The following CREB3L1 variants were observed in gnomAD, a reference collection of about 807,000 sequenced individuals.
The protein encoded by CREB3L1 is cAMP responsive element binding protein 3 like 1, also known as cyclic AMP-responsive element-binding protein 3-like protein 1.
CREB3L1 carries 33 observed loss-of-function variants against 54.5 expected under a neutral mutation model. The observed-to-expected ratio is 0.61, with a 90% CI of 0.46 to 0.81. CREB3L1 has a LOEUF of 0.81. Among genes scored for constraint, CREB3L1 ranks in the 30% least tolerant of loss-of-function variants. The pLI is 0.00. For missense variants in CREB3L1, 656 were observed against 673.3 expected (o/e 0.97, Z 0.29); for synonymous variants, 284 against 286.4 (o/e 0.99, Z 0.08).
intron 2 of CREB3L1, among the ~76,000 whole-genome samples, chr11:46,300,757 G>A (rs1325433985): frequency 6.6e-6 from 1 of 151,952 alleles, no homozygotes; most frequent in Non-Finnish European, 1.5e-5. Context: ...TGTAATCCCA[G>A]CACTCTGGGA....
chr11:46,278,354 T>G lies in CREB3L1; in HGVS notation c.102+141T>G. The G allele has an allele frequency of 1.8e-6, 1 of 550,936 alleles. No individual in the cohort carries two copies. Among genetic ancestry groups the G allele is most frequent in the Non-Finnish European group, 3.2e-6 (1 of 312,220 alleles). The allele number at this position is 550,936 out of a possible 1,614,324, so 34.1% of individuals were successfully genotyped here. The stretch of plus-strand genomic sequence containing the variant: ...CAGCGCAGGGTCTCCAGGAGCGACA[T>G]GTGTTTGGAGCTAAGCGCCCCTCCT... On this transcript the variant is annotated intron_variant, in intron 1 of 11. Transcript: ENST00000621158. This position sits in a 1 kb window ranked among gnomAD's most constrained non-coding sequence, Gnocchi z 4.2.
At position 46,317,494 on chromosome 11, in the gene CREB3L1, G is replaced by A. The variant is rs974460099; in HGVS notation, c.1258+7G>A. 1.2e-6 allele frequency: 2 copies of A among 1,607,092 alleles called. No individual in the cohort carries two copies. Among genetic ancestry groups the A allele is most frequent in the Non-Finnish European group, 1.7e-6 (2 of 1,179,796 alleles). ...GTCTACACGGCCAGCCAGAGTGAGT[G>A]CCCGCCTGTCATGCCAGCTCCCTGG... is the stretch of plus-strand genomic sequence containing the variant. On this transcript the variant is annotated splice_region_variant and intron_variant, in intron 10 of 11. Coordinates refer to ENST00000621158, the MANE Select transcript of CREB3L1 (RefSeq NM_052854.4).
In CREB3L1 at chr11:46,295,463, A is replaced by T. The variant is rs1174719667; in HGVS notation, c.103-4472A>T. On this transcript the variant is annotated intron_variant, in intron 1 of 11. Coordinates refer to ENST00000621158, the MANE Select transcript of CREB3L1 (RefSeq NM_052854.4). The surrounding 1 kb of genome is among the most constrained non-coding windows in gnomAD (Gnocchi z 4.6). ...TGGGGGCGGGGCCGCGCTACTGATG[A>T]GGGGTTTAGGACACCGTGAGACGGC... 2.0e-5 allele frequency: 3 copies of T among 152,202 alleles called. No individual in the cohort carries two copies. Among genetic ancestry groups the T allele is most frequent in the African/African-American group, 4.8e-5 (2 of 41,420 alleles). 9.4% of individuals were successfully genotyped at this position (152,202 alleles called of 1,614,324 possible).
chr11:46,285,634 C>T (rs973018434), intron 1 of CREB3L1, among the ~76,000 whole-genome samples: 17 of 152,136 alleles, frequency 1.1e-4, no homozygotes, highest in Admixed American at 3.9e-4. Flanking sequence ...GCTTCCCTGC[C>T]GCCGGGTTCA....
chr11:46,312,360 AGAG>A lies in CREB3L1; in HGVS notation c.796_798del (p.Glu266del). Reference sequence around the variant, plus strand: ...GGACATCAGGGCCACTGCTCCTGACAGAGGAGGAGAAGCGGACCCTGATTGCTG... The same window carrying A: ...GGACATCAGGGCCACTGCTCCTGACAGAGGAGAAGCGGACCCTGATTGCTG... On this transcript the variant is annotated inframe_deletion, in exon 6 of 12. Coordinates refer to ENST00000621158, the MANE Select transcript of CREB3L1 (RefSeq NM_052854.4). 1 of 1,612,422 alleles carries A rather than the reference AGAG, an allele frequency of 6.2e-7. No individual in the cohort carries two copies. The highest frequency in any genetic ancestry group is 8.5e-7 in the Non-Finnish European group (1 of 1,179,108).
chr11:46,292,373 C>T (rs1456946421), intron 1 of CREB3L1, among the ~76,000 whole-genome samples: 1 of 152,230 alleles, frequency 6.6e-6, no homozygotes, highest in Non-Finnish European at 1.5e-5. Flanking sequence ...CCTTTATTCA[C>T]ACACTCATCC....
At chr11:46,281,249 T>C (rs1295013773) in intron 1 of CREB3L1, among the ~76,000 whole-genome samples, 5 of 152,202 alleles carry the variant, frequency 3.3e-5, no homozygotes, top group African/African-American at 1.2e-4. Flanking sequence ...CTTGAGCCAC[T>C]GTACTCTGTG....
At chr11:46,314,305 C>A (rs1187301322) in intron 8 of CREB3L1, among the ~76,000 whole-genome samples, 1 of 151,642 alleles carries the variant, frequency 6.6e-6, no homozygotes, top group East Asian at 1.9e-4. Flanking sequence ...TTAATAAGAT[C>A]CTGCGAATAA....
intron 10 of CREB3L1, among the ~76,000 whole-genome samples, chr11:46,319,955 C>T (rs1345840970): frequency 1.3e-5 from 2 of 151,954 alleles, no homozygotes; most frequent in African/African-American, 2.4e-5. Flanking sequence ...AAACTCAGTA[C>T]CCTCTGCTAG....
chr11:46,303,239 T>C (rs1003059107), intron 2 of CREB3L1, among the ~76,000 whole-genome samples: 5 of 152,212 alleles, frequency 3.3e-5, no homozygotes. Context: ...TAGGCCTCTG[T>C]TTCCTCAGTG....
At chr11:46,311,510 G>GTT (rs796260243) in intron 5 of CREB3L1, among the ~76,000 whole-genome samples, 8 of 142,002 alleles carry the variant, frequency 5.6e-5, no homozygotes, top group African/African-American at 2.1e-4. Flanking sequence ...TTTTTTGTTT[G>GTT]TTTTTTTTTT....
At position 46,311,158 on chromosome 11, in the gene CREB3L1, T is replaced by C; in HGVS notation, c.722T>C (p.Ile241Thr). 1 of 1,599,266 alleles carries C rather than the reference T, an allele frequency of 6.3e-7. No homozygotes were observed. The highest frequency in any genetic ancestry group is 8.5e-7 in the Non-Finnish European group (1 of 1,176,872). ...VRPMARSSTAISTSPLLTAPH... is the reference protein window; with the variant it reads ...VRPMARSSTATSTSPLLTAPH... Reference sequence around the variant, plus strand: ...CCCATGGCGCGCTCCTCCACGGCCATCTCCACCTCCCCACTCCTCACTGCC... The same window carrying C: ...CCCATGGCGCGCTCCTCCACGGCCACCTCCACCTCCCCACTCCTCACTGCC... Residue 241 changes from isoleucine to threonine, a missense_variant, in exon 5 of 12, where the codon ATC becomes ACC. Ile to Thr is a moderately conservative substitution (Grantham distance 89). This residue lies in a region of CREB3L1 where 339 missense variants were observed against 331.5 expected (regional missense o/e 1.02). Transcript: ENST00000621158.
At chr11:46,312,570 A>T in intron 6 of CREB3L1, 42 bp from the exon 7 acceptor site, 1 of 1,608,504 alleles carries the variant, frequency 6.2e-7, no homozygotes, top group Non-Finnish European at 8.5e-7. Context: ...GGAAGTGAAT[A>T]TGTGGCAGTG....
At chr11:46,305,136 C>T (rs920708332) in intron 2 of CREB3L1, among the ~76,000 whole-genome samples, 2 of 152,184 alleles carry the variant, frequency 1.3e-5, no homozygotes, top group Admixed American at 6.5e-5. Context: ...CTCCCCTCTC[C>T]CCTGTCTTAC....
intron 1 of CREB3L1, among the ~76,000 whole-genome samples, chr11:46,283,767 TG>T (rs1054081691): frequency 6.6e-6 from 1 of 151,872 alleles, no homozygotes; most frequent in Non-Finnish European, 1.5e-5. Context: ...CCTGAAGTCC[TG>T]GCTGCTTAGG....
chr11:46,305,982 C>T (rs1939390936), intron 2 of CREB3L1, among the ~76,000 whole-genome samples: 1 of 151,832 alleles, frequency 6.6e-6, no homozygotes, highest in African/African-American at 2.4e-5. Flanking sequence ...CATGATCCGC[C>T]CGTCTTAGCC....
intron 10 of CREB3L1, 111 bp from the exon 11 acceptor site, chr11:46,320,153 C>A: frequency 8.1e-7 from 1 of 1,235,314 alleles, no homozygotes; most frequent in Non-Finnish European, 1.1e-6. Flanking sequence ...CGGGAAGTGT[C>A]AGAGCTGGGA....
At chr11:46,311,321 T>C in intron 5 of CREB3L1, 132 bp downstream of exon 5, 5 of 1,210,962 alleles carry the variant, frequency 4.1e-6, no homozygotes, top group Non-Finnish European at 5.4e-6. Context: ...AGAGGGATGC[T>C]TACCTGGCAG....
chr11:46,283,551 G>A (rs1464287220), intron 1 of CREB3L1, among the ~76,000 whole-genome samples: 1 of 152,002 alleles, frequency 6.6e-6, no homozygotes, highest in Non-Finnish European at 1.5e-5. Flanking sequence ...CTTTAGACTG[G>A]GGCAATCCTT....
Sources: gnomAD v4.1 joint callset for allele counts (sites outside exome capture counted in the v4.1 genomes callset) on GRCh38, gnomAD v4.1.1 for gene constraint, gnomAD v4.1.1 regional missense constraint, Gnocchi (gnomAD v3.1) non-coding constraint, MANE v1.5 for transcripts, NCBI Gene and HGNC (gene_info 2026-07-23, HGNC 2026-07-21) for gene names.